The following HNF1B variants were observed in gnomAD, a reference collection of about 807,000 sequenced individuals.
The protein encoded by HNF1B is HNF1 homeobox B, also known as hepatocyte nuclear factor 1-beta.
Under a neutral mutation model 61.7 loss-of-function variants are expected in HNF1B, and 8 were observed. The observed-to-expected ratio is 0.13, with a 90% CI of 0.08 to 0.23. The LOEUF (loss-of-function observed/expected upper bound fraction) is 0.23. Ranked by LOEUF, HNF1B falls within the 10% of genes least tolerant of loss-of-function variation. HNF1B has a pLI of 1.00. For synonymous variants in HNF1B, 314 were observed against 287.7 expected (o/e 1.09, Z -0.93); for missense variants, 562 against 714.5 (o/e 0.79, Z 2.43).
intron 1 of HNF1B, among the ~76,000 whole-genome samples, chr17:37,742,852 G>C (rs1373501648): frequency 6.6e-6 from 1 of 151,364 alleles, no homozygotes; most frequent in Non-Finnish European, 1.5e-5. Context: ...AGGGCCGCAC[G>C]GGGCGCCTGG....
At chr17:37,743,299 G>A (rs2034057806) in intron 1 of HNF1B, among the ~76,000 whole-genome samples, 1 of 152,218 alleles carries the variant, frequency 6.6e-6, no homozygotes, top group South Asian at 2.1e-4. Context: ...CTTAGCCTCC[G>A]CGACTCACAC....
At chr17:37,726,276 AG>A in intron 4 of HNF1B, among the ~76,000 whole-genome samples, 1 of 152,238 alleles carries the variant, frequency 6.6e-6, no homozygotes. Flanking sequence ...CCACTTACTA[AG>A]AATATGAACT....
intron 4 of HNF1B, among the ~76,000 whole-genome samples, chr17:37,725,016 T>C (rs1267803539): frequency 2.0e-5 from 3 of 152,040 alleles, no homozygotes; most frequent in Admixed American, 6.6e-5. Flanking sequence ...CCCTAAAAAA[T>C]AGGTAGAGGC....
At chr17:37,725,418 C>T (rs779322640) in intron 4 of HNF1B, among the ~76,000 whole-genome samples, 11 of 152,328 alleles carry the variant, frequency 7.2e-5, no homozygotes, top group Middle Eastern at 6.8e-3. Context: ...CAGAGGGAGG[C>T]TGACAGCAGA....
At chr17:37,707,034 G>A (rs2032773356) in intron 5 of HNF1B, among the ~76,000 whole-genome samples, 1 of 152,048 alleles carries the variant, frequency 6.6e-6, no homozygotes, top group South Asian at 2.1e-4. Context: ...CAGTTTTGCT[G>A]GAGCTTAAAT....
chr17:37,704,794 A>T, intron 6 of HNF1B, 123 bp downstream of exon 6: 1 of 1,127,296 alleles, frequency 8.9e-7, no homozygotes, highest in Non-Finnish European at 1.3e-6. Context: ...TAAAGAAGTT[A>T]AACCAAATCT....
intron 8 of HNF1B, among the ~76,000 whole-genome samples, chr17:37,692,586 A>G (rs1426500590): frequency 6.6e-6 from 1 of 151,990 alleles, no homozygotes; most frequent in African/African-American, 2.4e-5. Flanking sequence ...GAGGCATCAA[A>G]AAACACGGGT....
At chr17:37,741,801 G>C (rs1157597617) in intron 1 of HNF1B, among the ~76,000 whole-genome samples, 1 of 152,150 alleles carries the variant, frequency 6.6e-6, no homozygotes, top group African/African-American at 2.4e-5. Flanking sequence ...GAATGATTCT[G>C]TGGAAACAGT....
chr17:37,704,485 A>G (rs1372619366), intron 6 of HNF1B, among the ~76,000 whole-genome samples: 1 of 152,184 alleles, frequency 6.6e-6, no homozygotes, highest in Non-Finnish European at 1.5e-5. Flanking sequence ...AACAGAAAGA[A>G]CCTCCTGAAA....
chr17:37,726,136 CTGTG>C (rs60311199), intron 4 of HNF1B, among the ~76,000 whole-genome samples: 2 of 150,452 alleles, frequency 1.3e-5, no homozygotes, highest in East Asian at 2.0e-4. Flanking sequence ...CTGCTGGGGG[CTGTG>C]TGTGTGTGTG....
At chr17:37,705,765 T>C (rs2032726305) in intron 5 of HNF1B, among the ~76,000 whole-genome samples, 1 of 152,206 alleles carries the variant, frequency 6.6e-6, no homozygotes, top group Non-Finnish European at 1.5e-5. Flanking sequence ...CTACATGTCC[T>C]ATTATATTGC....
At chr17:37,713,131 A>G (rs2032991328) in intron 4 of HNF1B, among the ~76,000 whole-genome samples, 1 of 152,058 alleles carries the variant, frequency 6.6e-6, no homozygotes, top group South Asian at 2.1e-4. Context: ...CTAACCAGCT[A>G]TTTACCTCCC....
intron 4 of HNF1B, chr17:37,720,649 A>G (rs962314397): frequency 6.8e-6 from 2 of 293,866 alleles, no homozygotes; most frequent in African/African-American, 4.6e-5. Flanking sequence ...TCTATAATAG[A>G]TATCTTTATT....
rs1257522229 is a variant in HNF1B at position 37,744,955 on chromosome 17, C to A, written c.-71G>T. On this transcript the variant is annotated 5_prime_UTR_variant, in exon 1 of 9. Coordinates refer to ENST00000617811, the MANE Select transcript of HNF1B (RefSeq NM_000458.4). The stretch of plus-strand genomic sequence containing the variant: ...GAGAGAGGAGGGTGGAGGGGAGTTT[C>A]ACAAGCAAACCCCAAATCCAGGAAC... 7 of 1,323,894 alleles carry A rather than the reference C, an allele frequency of 5.3e-6. No homozygotes were observed. Among genetic ancestry groups the A allele is most frequent in the Non-Finnish European group, 7.4e-6 (7 of 941,826 alleles). 82.0% of individuals were successfully genotyped at this position (1,323,894 alleles called of 1,614,324 possible).
intron 4 of HNF1B, chr17:37,728,862 A>T (rs1341391264): frequency 6.5e-6 from 1 of 153,470 alleles, no homozygotes; most frequent in African/African-American, 2.4e-5. Context: ...CATCTCAGGC[A>T]CTAGCACAGC....
rs60081436 is a variant in HNF1B at position 37,725,970 on chromosome 17, G to T, written c.1045+5625C>A. ...GGGCTTTGATTTCTTGCCTGGGCAG[G>T]GCACAGAATCCACCTTGGTCAGGGG... On this transcript the variant is annotated intron_variant, in intron 4 of 8. Coordinates refer to ENST00000617811, the MANE Select transcript of HNF1B (RefSeq NM_000458.4). 5.1e-3 allele frequency among the ~76,000 whole-genome samples: 782 copies of T among 152,326 alleles called. 8 individuals carry two copies. The Middle Eastern group carries it at 0.058, about 11-fold the overall frequency.
chr17:37,734,875 G>A (rs984824349), intron 2 of HNF1B, among the ~76,000 whole-genome samples: 5 of 143,654 alleles, frequency 3.5e-5, no homozygotes, highest in East Asian at 2.1e-4. Flanking sequence ...TACAATCTCC[G>A]CCTCCCGGGT....
intron 5 of HNF1B, among the ~76,000 whole-genome samples, chr17:37,707,282 A>AT (rs563619966): frequency 1.2e-3 from 189 of 152,018 alleles, no homozygotes; most frequent in Non-Finnish European, 2.4e-3. Context: ...TGCCCAGCTA[A>AT]TTTTTTTATT....
chr17:37,728,014 A>G (rs545807655), intron 4 of HNF1B, among the ~76,000 whole-genome samples: 2 of 151,614 alleles, frequency 1.3e-5, no homozygotes, highest in Non-Finnish European at 2.9e-5. Flanking sequence ...TTTTTAAGAC[A>G]GAGTCTTGCT....
Sources: gnomAD v4.1 joint callset for allele counts (sites outside exome capture counted in the v4.1 genomes callset) on GRCh38, gnomAD v4.1.1 for gene constraint, MANE v1.5 for transcripts, NCBI Gene and HGNC (gene_info 2026-07-23, HGNC 2026-07-21) for gene names.